PEX5L: variants seen among roughly 807,000 people sequenced by gnomAD.
PEX5L encodes peroxisomal biogenesis factor 5 like.
A neutral mutation model predicts 84.0 loss-of-function variants in PEX5L; 30 were observed. That is an observed-to-expected ratio of 0.36 (90% CI 0.27 to 0.48). The LOEUF is 0.48. PEX5L is among the 20% of genes least tolerant of loss of function. The pLI is 0.99. For missense variants in PEX5L, 533 were observed against 754.6 expected, an observed-to-expected ratio of 0.71 and a Z score of 3.44; for synonymous variants, 270 against 283.1, an observed-to-expected ratio of 0.95 and a Z score of 0.46.
At chr3:179,849,762 T>C (rs1394039092) in intron 8 of PEX5L, among the ~76,000 whole-genome samples, 3 of 152,216 alleles carry the variant, frequency 2.0e-5, no homozygotes, top group Non-Finnish European at 2.9e-5. Context: ...TCTTTTCATG[T>C]TCACTTTCTT....
At chr3:179,924,141 T>C (rs752815027) in intron 2 of PEX5L, among the ~76,000 whole-genome samples, 4 of 152,206 alleles carry the variant, frequency 2.6e-5, no homozygotes, top group African/African-American at 4.8e-5. Context: ...GTATCGGGGA[T>C]AGGTTTGACC....
chr3:179,939,757 C>G (rs1381696043), intron 2 of PEX5L, among the ~76,000 whole-genome samples: 1 of 152,148 alleles, frequency 6.6e-6, no homozygotes, highest in Non-Finnish European at 1.5e-5. Context: ...CACTCAGGCC[C>G]CCCCACTGAG....
chr3:180,008,890 C>A (rs539762539), intron 1 of PEX5L, among the ~76,000 whole-genome samples: 1 of 152,194 alleles, frequency 6.6e-6, no homozygotes, highest in Non-Finnish European at 1.5e-5. Flanking sequence ...CAAACCATAT[C>A]ATCTTGCTTT....
At chr3:180,017,209 T>A (rs533696999) in intron 1 of PEX5L, among the ~76,000 whole-genome samples, 2 of 152,360 alleles carry the variant, frequency 1.3e-5, no homozygotes, top group Admixed American at 1.3e-4. Flanking sequence ...TTGAAATGGC[T>A]GTTTACCAAA....
chr3:179,880,191 G>A (rs13067789), intron 4 of PEX5L, 68 bp from the exon 5 acceptor site: 156,333 of 968,842 alleles, frequency 0.16, 13,838 homozygotes, highest in South Asian at 0.31. Context: ...ATAGGTTTCA[G>A]TTGGGTACAG....
intron 1 of PEX5L, among the ~76,000 whole-genome samples, chr3:179,982,396 CTACT>C (rs1434265887): frequency 6.6e-6 from 1 of 152,176 alleles, no homozygotes; most frequent in Non-Finnish European, 1.5e-5. Flanking sequence ...ATATAGATGA[CTACT>C]GACGATCTTC....
chr3:179,809,073 C>CAAAAAAAAAAAAA (rs10684376), intron 12 of PEX5L, among the ~76,000 whole-genome samples: 1 of 47,772 alleles, frequency 2.1e-5, no homozygotes, highest in Non-Finnish European at 3.6e-5. Context: ...GATTCCGCCT[C>CAAAAAAAAAAAAA]AAAAAAAAAA....
chr3:179,937,835 A>G (rs990410697), intron 2 of PEX5L, among the ~76,000 whole-genome samples: 3 of 152,168 alleles, frequency 2.0e-5, no homozygotes, highest in African/African-American at 7.2e-5. Context: ...AGGCAGAGAA[A>G]TGTTTCTCCT....
At chr3:180,035,489 T>C (rs946192187) in intron 1 of PEX5L, among the ~76,000 whole-genome samples, 2 of 152,232 alleles carry the variant, frequency 1.3e-5, no homozygotes, top group African/African-American at 4.8e-5. Context: ...AGAATTCTTA[T>C]AAAAATTGAG....
intron 1 of PEX5L, among the ~76,000 whole-genome samples, chr3:179,995,975 C>T (rs533374431): frequency 6.6e-6 from 1 of 152,274 alleles, no homozygotes; most frequent in South Asian, 2.1e-4. Context: ...AACAGCTTCC[C>T]CATTCCCGTA....
At chr3:179,888,769 T>G (rs954034216) in intron 3 of PEX5L, among the ~76,000 whole-genome samples, 4 of 147,960 alleles carry the variant, frequency 2.7e-5, no homozygotes, top group African/African-American at 1.1e-4. Flanking sequence ...TTTTGTTTTG[T>G]TTTTTGTTTT....
chr3:179,994,423 T>C (rs1787666486), intron 1 of PEX5L, among the ~76,000 whole-genome samples: 1 of 152,216 alleles, frequency 6.6e-6, no homozygotes, highest in African/African-American at 2.4e-5. Flanking sequence ...TATTTTTCCA[T>C]GGCCTCTTTG....
chr3:179,888,400 C>T (rs530461051), intron 3 of PEX5L, among the ~76,000 whole-genome samples: 48 of 151,702 alleles, frequency 3.2e-4, no homozygotes, highest in Non-Finnish European at 6.3e-4. Flanking sequence ...CTAGTACATG[C>T]GTTTATAAAA....
At chr3:179,952,920 C>T (rs1779493844) in intron 2 of PEX5L, among the ~76,000 whole-genome samples, 1 of 152,092 alleles carries the variant, frequency 6.6e-6, no homozygotes, top group African/African-American at 2.4e-5. Context: ...ACCAATGGAA[C>T]AGAACAGAGG....
intron 1 of PEX5L, among the ~76,000 whole-genome samples, chr3:180,015,522 T>C (rs1789867412): frequency 6.6e-6 from 1 of 152,198 alleles, no homozygotes; most frequent in Non-Finnish European, 1.5e-5. Context: ...AGAGAGTCTT[T>C]AAAATTATCA....
chr3:180,031,837 G>C (rs1156458230), intron 1 of PEX5L, among the ~76,000 whole-genome samples: 1 of 152,112 alleles, frequency 6.6e-6, no homozygotes, highest in Non-Finnish European at 1.5e-5. Context: ...CAAAATTGTA[G>C]AGTTAACAAG....
At chr3:180,012,295 G>A (rs190306987) in intron 1 of PEX5L, among the ~76,000 whole-genome samples, 3 of 152,160 alleles carry the variant, frequency 2.0e-5, no homozygotes, top group African/African-American at 7.2e-5. Context: ...ATATGTTAAC[G>A]CTGTCTGTCA....
chr3:180,029,008 C>T (rs947102634), intron 1 of PEX5L, among the ~76,000 whole-genome samples: 1 of 152,138 alleles, frequency 6.6e-6, no homozygotes, highest in African/African-American at 2.4e-5. Context: ...GACAGATAAT[C>T]TCGCAGTGGT....
rs1162453046 is a variant in PEX5L, at chr3:179,797,161, G to A, written c.*4667C>T. 3 of 152,154 alleles carry A rather than the reference G, an allele frequency of 2.0e-5. No individual in the cohort carries two copies. Among genetic ancestry groups the A allele is most frequent in the Non-Finnish European group, 4.4e-5 (3 of 68,024 alleles). The allele number at this position is 152,154 out of a possible 1,614,324, so 9.4% of individuals were successfully genotyped here. On this transcript the variant is annotated 3_prime_UTR_variant, in exon 15 of 15. Transcript: ENST00000467460. Reference sequence around the variant, plus strand: ...CAGACACTTGGATTTGTTTAAGTTTGGGATCTGTTGTGCCTCAACTGGTTT... The same window carrying A: ...CAGACACTTGGATTTGTTTAAGTTTAGGATCTGTTGTGCCTCAACTGGTTT...
Sources: allele counts gnomAD v4.1 joint callset (sites outside exome capture counted in the v4.1 genomes callset), GRCh38; gene constraint gnomAD v4.1.1; transcripts MANE v1.5; gene names NCBI Gene and HGNC (gene_info 2026-07-23, HGNC 2026-07-21).